The following CIZ1 variants were observed in gnomAD, a reference collection of about 807,000 sequenced individuals.
The protein encoded by CIZ1 is CDKN1A interacting zinc finger protein 1.
CIZ1 carries 58 observed loss-of-function variants against 118.6 expected under a neutral mutation model. The ratio of observed to expected loss-of-function variants is 0.49; its 90% CI spans 0.40 to 0.61. The LOEUF is 0.61. Among genes scored for constraint, CIZ1 ranks in the 20% least tolerant of loss-of-function variants. CIZ1 has a pLI of 0.00. For synonymous variants in CIZ1, 448 were observed against 443.4 expected (o/e 1.01, Z -0.13); for missense variants, 921 against 1,115.9 (o/e 0.83, Z 2.49).
Position 128,203,458 on chromosome 9 carries a change from G to A in CIZ1, c.-6+728C>T, listed in dbSNP as rs928532911. The A allele has an allele frequency of 1.2e-5, 18 of 1,468,880 alleles. No homozygotes were observed. In the Admixed American group the frequency reaches 2.7e-4, roughly 22 times the overall value. 91.0% of individuals were successfully genotyped at this position (1,468,880 alleles called of 1,614,324 possible). A position where few individuals can be genotyped will look rare whatever the true frequency, so the allele number is the denominator to read the frequency against. On this transcript the variant is annotated intron_variant, in intron 1 of 17. Transcript: ENST00000372948. The surrounding 1 kb of genome is among the most constrained non-coding windows in gnomAD (Gnocchi z 5.3). ...CGGCAGCCGGATCGCAGCCTGCGGG[G>A]CCCGCCGCAGCCATGGGCAACCGCG...
At chr9:128,193,895 G>T (rs1833310471), upstream of CIZ1, among the ~76,000 whole-genome samples, 1 of 152,136 alleles carries the variant, frequency 6.6e-6, no homozygotes, top group Admixed American at 6.5e-5. Flanking sequence ...CCCCTCCCGG[G>T]GTGGTAAGGA....
chr9:128,173,888 C>T lies in CIZ1; in HGVS notation c.1943+2463G>A, dbSNP rs527330590. 3.9e-5 allele frequency among the ~76,000 whole-genome samples: 6 copies of T among 152,218 alleles called. No homozygotes were observed. In the East Asian group the frequency reaches 9.7e-4, roughly 25 times the overall value. ...GGGCCTAGTGGTAGGCGCCTGTAGT[C>T]CCAGCTACTCGGGAGGCGGAGGCAG... is the stretch of plus-strand genomic sequence containing the variant. On this transcript the variant is annotated intron_variant, in intron 11 of 16. Coordinates refer to ENST00000372938, the MANE Select transcript of CIZ1 (RefSeq NM_001131016.2).
intron 1 of CIZ1, among the ~76,000 whole-genome samples, chr9:128,202,477 G>A (rs1008307046): frequency 6.6e-6 from 1 of 152,134 alleles, no homozygotes; most frequent in African/African-American, 2.4e-5. Context: ...CACTCTCTAG[G>A]ACAAGAGCTT....
intron 9 of CIZ1, 138 bp downstream of exon 9, chr9:128,178,231 C>A: frequency 1.8e-6 from 2 of 1,082,790 alleles, no homozygotes; most frequent in Non-Finnish European, 2.7e-6. Context: ...GGCCACCCAT[C>A]CTAGGCAGAG....
chr9:128,194,740 C>A (rs548102040), upstream of CIZ1, among the ~76,000 whole-genome samples: 3 of 152,302 alleles, frequency 2.0e-5, no homozygotes, highest in South Asian at 4.1e-4. Context: ...ATCGCTTGAA[C>A]CTGGTAGGCA....
At chr9:128,173,044 A>T (rs1238972275) in intron 11 of CIZ1, among the ~76,000 whole-genome samples, 1 of 151,916 alleles carries the variant, frequency 6.6e-6, no homozygotes, top group African/African-American at 2.4e-5. Context: ...GGCTTACTGC[A>T]GCCTCTACCT....
intron 1 of CIZ1, among the ~76,000 whole-genome samples, chr9:128,199,443 A>G (rs1833456860): frequency 6.6e-6 from 1 of 150,506 alleles, no homozygotes; most frequent in Non-Finnish European, 1.5e-5. Flanking sequence ...GCTCACACCT[A>G]TAGTGCCAGC....
intron 13 of CIZ1, 59 bp downstream of exon 13, chr9:128,169,347 G>A: frequency 7.0e-7 from 1 of 1,429,440 alleles, no homozygotes; most frequent in Admixed American, 1.8e-5. Context: ...TTGCTACACA[G>A]CCTTGGCCAA....
At chr9:128,168,898 A>T in intron 14 of CIZ1, 154 bp downstream of exon 14, 1 of 1,049,240 alleles carries the variant, frequency 9.5e-7, no homozygotes, top group East Asian at 2.4e-5. Flanking sequence ...ATAATTACAT[A>T]GTCATGCAGA....
chr9:128,187,912 TG>T lies in CIZ1; in HGVS notation c.308del (p.Pro103HisfsTer67). ...GACCGGCAGTGTCATACGTGGCTGG[TG>T]GCATTGCAAACTGGTCCAGTCCTTT... ...QLQGLDQFAM[P>X]PATYDTAGLT... is the part of the protein sequence containing the mutation. On this transcript the variant is annotated frameshift_variant, in exon 4 of 17. Coordinates refer to ENST00000372938, the MANE Select transcript of CIZ1 (RefSeq NM_001131016.2). LOFTEE classifies it high-confidence loss of function. The T allele has an allele frequency of 1.3e-6, 1 of 757,034 alleles. No homozygotes were observed. The allele number at this position is 757,034 out of a possible 1,614,324, so 46.9% of individuals were successfully genotyped here.
intron 5 of CIZ1, among the ~76,000 whole-genome samples, chr9:128,183,617 T>C (rs535689308): frequency 1.3e-5 from 2 of 152,334 alleles, no homozygotes; most frequent in South Asian, 4.1e-4. Flanking sequence ...CTCCTGCTTA[T>C]GCCAGGAGAA....
chr9:128,191,774 G>A (rs1442531448), upstream of CIZ1: 12 of 1,418,282 alleles, frequency 8.5e-6, no homozygotes, highest in Admixed American at 1.6e-4. This position sits in a 1 kb window ranked among gnomAD's most constrained non-coding sequence, Gnocchi z 5.5. Context: ...GAGGCTCGGA[G>A]ACCAAGGTCC....
Position 128,191,159 on chromosome 9 carries a change from A to C in CIZ1, c.-6+273T>G, listed in dbSNP as rs1588268411. 2.1e-6 allele frequency: 1 copy of C among 483,688 alleles called. No individual in the cohort carries two copies. Among genetic ancestry groups the C allele is most frequent in the Non-Finnish European group, 3.6e-6 (1 of 274,350 alleles). The allele number at this position is 483,688 out of a possible 1,614,324, so 30.0% of individuals were successfully genotyped here. A position where few individuals can be genotyped will look rare whatever the true frequency, so the allele number is the denominator to read the frequency against. On this transcript the variant is annotated intron_variant, in intron 1 of 16. Coordinates refer to ENST00000372938, the MANE Select transcript of CIZ1 (RefSeq NM_001131016.2). This position sits in a 1 kb window ranked among gnomAD's most constrained non-coding sequence, Gnocchi z 5.5. ...CCATTTCTGGCGGCTCCATCCTCCC[A>C]CCCTCAGCCTCAGCCTCTCTCTGCG...
intron 11 of CIZ1, among the ~76,000 whole-genome samples, chr9:128,175,606 T>C (rs555404898): frequency 3.0e-4 from 46 of 152,198 alleles, no homozygotes; most frequent in Non-Finnish European, 6.2e-4. Flanking sequence ...CCGTCCAGCC[T>C]ATGAAAGTGT....
At chr9:128,171,226 G>A (rs779589585) in intron 11 of CIZ1, among the ~76,000 whole-genome samples, 3 of 151,542 alleles carry the variant, frequency 2.0e-5, no homozygotes, top group Admixed American at 6.6e-5. Context: ...GAGCCTAGAA[G>A]TCCAAGACCA....
intron 5 of CIZ1, among the ~76,000 whole-genome samples, chr9:128,183,805 G>A (rs773348130): frequency 1.3e-5 from 2 of 151,986 alleles, no homozygotes; most frequent in South Asian, 2.1e-4. Context: ...TCACTCTGTC[G>A]CCCAGGCTGG....
chr9:128,198,660 C>T (rs537803587), intron 1 of CIZ1, among the ~76,000 whole-genome samples: 5 of 152,018 alleles, frequency 3.3e-5, no homozygotes, highest in Middle Eastern at 3.4e-3. Context: ...GATGAAACCC[C>T]GTCTCTACTA....
rs1232501853 is a variant in CIZ1, at chr9:128,190,934, C to G, written c.-5-72G>C. 2.7e-6 allele frequency: 4 copies of G among 1,470,056 alleles called. No individual in the cohort carries two copies. The African/African-American group carries it at 4.2e-5, about 15-fold the overall frequency. 91.1% of individuals were successfully genotyped at this position (1,470,056 alleles called of 1,614,324 possible). On this transcript the variant is annotated intron_variant, in intron 1 of 16. Transcript: ENST00000372938. Reference sequence around the variant, plus strand: ...AGGCCTGCTCCCCTCCCATCCACCGCCACTCCCCGCAGCCACAGCCCGCAG... The same window carrying G: ...AGGCCTGCTCCCCTCCCATCCACCGGCACTCCCCGCAGCCACAGCCCGCAG...
At position 128,177,552 on chromosome 9, in the gene CIZ1, T is replaced by TAAAA; in HGVS notation, c.1818+13_1818+14insTTTT. Reference sequence around the variant, plus strand: ...GGCCCCACCCCTCCCCACCCTTATCTCCTGTATCAGTACCTGCTGGCTGGA... The same window carrying TAAAA: ...GGCCCCACCCCTCCCCACCCTTATCTAAAACCTGTATCAGTACCTGCTGGCTGGA... On this transcript the variant is annotated intron_variant, in intron 10 of 16. Coordinates refer to ENST00000372938, the MANE Select transcript of CIZ1 (RefSeq NM_001131016.2). 4 of 414,582 alleles carry TAAAA rather than the reference T, an allele frequency of 9.6e-6. No individual in the cohort carries two copies. The highest frequency in any genetic ancestry group is 1.4e-5 in the Non-Finnish European group (3 of 215,110). 25.7% of individuals were successfully genotyped at this position (414,582 alleles called of 1,614,324 possible).
Sources: gnomAD v4.1 joint callset for allele counts (sites outside exome capture counted in the v4.1 genomes callset) on GRCh38, gnomAD v4.1.1 for gene constraint, Gnocchi (gnomAD v3.1) non-coding constraint, MANE v1.5 for transcripts, NCBI Gene and HGNC (gene_info 2026-07-23, HGNC 2026-07-21) for gene names.